Variants in CCND3 observed in about 807,000 individuals in gnomAD.
CCND3 encodes the protein G1/S-specific cyclin-D3.
CCND3 carries 9 observed loss-of-function variants against 28.7 expected under a neutral mutation model. That is an observed-to-expected ratio of 0.31 (90% CI 0.19 to 0.55). CCND3 has a LOEUF of 0.55. CCND3 is among the 20% of genes least tolerant of loss of function. CCND3 has a pLI of 0.93. For synonymous variants in CCND3, 164 were observed against 163.9 expected (o/e 1.00, Z 0.00); for missense variants, 315 against 385.8 (o/e 0.82, Z 1.54).
intron 1 of CCND3, among the ~76,000 whole-genome samples, chr6:41,950,867 C>G (rs1776292745): frequency 6.6e-6 from 1 of 151,988 alleles, no homozygotes; most frequent in South Asian, 2.1e-4. Flanking sequence ...CCCCACCACG[C>G]CCAGCTAATT....
upstream of CCND3, among the ~76,000 whole-genome samples, chr6:41,943,935 G>T (rs1422396898): frequency 1.3e-5 from 2 of 152,022 alleles, no homozygotes; most frequent in Non-Finnish European, 2.9e-5. Context: ...ACCTCTCAAA[G>T]ATATTAACCC....
intron 1 of CCND3, among the ~76,000 whole-genome samples, chr6:41,970,099 G>A (rs995785222): frequency 2.6e-5 from 4 of 152,108 alleles, no homozygotes; most frequent in Non-Finnish European, 4.4e-5. Flanking sequence ...TCAGCATTTT[G>A]GGAGACCAAG....
chr6:41,969,651 G>A lies in CCND3; in HGVS notation c.-45-29066C>T, dbSNP rs113056411. 2.6e-3 allele frequency among the ~76,000 whole-genome samples: 396 copies of A among 152,136 alleles called. 1 individual carries two copies. Among genetic ancestry groups the A allele is most frequent in the African/African-American group, 8.6e-3 (356 of 41,512 alleles). On this transcript the variant is annotated intron_variant, in intron 1 of 4. Coordinates refer to the CCND3 transcript ENST00000372988. ...CTAGGGAGACTGAGGCAGGAGAATCGCTTGAACCCGGGAGGTGGAGGTTGC... is the reference window on the plus strand; with the variant it reads ...CTAGGGAGACTGAGGCAGGAGAATCACTTGAACCCGGGAGGTGGAGGTTGC...
At chr6:41,943,132 G>T (rs2127396516), upstream of CCND3, among the ~76,000 whole-genome samples, 1 of 152,180 alleles carries the variant, frequency 6.6e-6, no homozygotes, top group East Asian at 1.9e-4. Context: ...AAAGTGCTGG[G>T]ATTACAGGCG....
chr6:42,028,151 T>C (rs928512972), intron 1 of CCND3, among the ~76,000 whole-genome samples: 1 of 152,214 alleles, frequency 6.6e-6, no homozygotes, highest in South Asian at 2.1e-4. Flanking sequence ...AGGTGCTCAC[T>C]AAATCGTGGC....
intron 1 of CCND3, among the ~76,000 whole-genome samples, chr6:41,995,500 C>A (rs1762775155): frequency 6.6e-6 from 1 of 152,122 alleles, no homozygotes; most frequent in South Asian, 2.1e-4. Flanking sequence ...TTGTGATCTG[C>A]CCGCCTTGGC....
At chr6:41,962,186 C>T (rs971439870) in intron 1 of CCND3, among the ~76,000 whole-genome samples, 5 of 152,048 alleles carry the variant, frequency 3.3e-5, no homozygotes, top group Admixed American at 2.6e-4. Context: ...CTGCAACCTC[C>T]GCCTCCCAGG....
chr6:41,997,644 C>T (rs1259748721), intron 1 of CCND3, among the ~76,000 whole-genome samples: 2 of 152,078 alleles, frequency 1.3e-5, no homozygotes, highest in Non-Finnish European at 2.9e-5. Flanking sequence ...GTGGTCTCAG[C>T]TACTCAGGAG....
chr6:41,961,860 G>A (rs1350372840), intron 1 of CCND3, among the ~76,000 whole-genome samples: 1 of 152,102 alleles, frequency 6.6e-6, no homozygotes, highest in Non-Finnish European at 1.5e-5. Flanking sequence ...AGTTCACAGT[G>A]ATCTGCTGAG....
At chr6:42,045,612 G>A (rs750262541) in intron 1 of CCND3, among the ~76,000 whole-genome samples, 28 of 152,208 alleles carry the variant, frequency 1.8e-4, no homozygotes, top group Admixed American at 1.4e-3. Context: ...CAACCTGCAC[G>A]AATCCCAGGG....
At chr6:42,049,305 G>T (rs973872460), upstream of CCND3, among the ~76,000 whole-genome samples, 2 of 152,126 alleles carry the variant, frequency 1.3e-5, no homozygotes, top group Admixed American at 1.3e-4. Context: ...TCAAAGTGCT[G>T]GGATTACAGG....
chr6:41,947,385 G>A (rs116399896), intron 1 of CCND3, among the ~76,000 whole-genome samples: 1,707 of 152,124 alleles, frequency 0.011, 28 homozygotes, highest in African/African-American at 0.036. Flanking sequence ...AAGGATGTCC[G>A]ATAGGCCAGT....
chr6:41,995,378 C>CT (rs1443025383), intron 1 of CCND3, among the ~76,000 whole-genome samples: 10 of 152,172 alleles, frequency 6.6e-5, no homozygotes, highest in African/African-American at 2.2e-4. Context: ...CTGCCTCAGC[C>CT]TCCCAAGTAG....
chr6:42,048,913 G>C lies in CCND3; in HGVS notation c.-458C>G, dbSNP rs945126595. 1 of 258,136 alleles carries C rather than the reference G, an allele frequency of 3.9e-6. No individual in the cohort carries two copies. Among genetic ancestry groups the C allele is most frequent in the Admixed American group, 6.4e-5 (1 of 15,702 alleles). The allele number at this position is 258,136 out of a possible 1,614,324, so 16.0% of individuals were successfully genotyped here. ...CATAGGTGCGGGGGCGGGGCGCCAC[G>C]GAGGCTCAGGTGTGGGCGGCGGGGC... On this transcript the variant is annotated 5_prime_UTR_variant, in exon 1 of 5. Coordinates refer to the CCND3 transcript ENST00000372988. This position sits in a 1 kb window ranked among gnomAD's most constrained non-coding sequence, Gnocchi z 4.7.
chr6:41,968,665 T>C (rs1464121212), intron 1 of CCND3, among the ~76,000 whole-genome samples: 2 of 152,232 alleles, frequency 1.3e-5, no homozygotes, highest in Non-Finnish European at 2.9e-5. Context: ...GTATGTTACC[T>C]TTCTGGATTT....
chr6:41,995,176 G>A (rs1316526898), intron 1 of CCND3, among the ~76,000 whole-genome samples: 1 of 152,086 alleles, frequency 6.6e-6, no homozygotes, highest in East Asian at 1.9e-4. Flanking sequence ...CAAAAAATTT[G>A]TAAACAACCT....
At chr6:41,952,801 A>T (rs1159075421) in intron 1 of CCND3, among the ~76,000 whole-genome samples, 1 of 86,736 alleles carries the variant, frequency 1.2e-5, no homozygotes, top group Non-Finnish European at 2.4e-5. Context: ...ATTTTAAAGT[A>T]GTGAGTGTGA....
At chr6:42,000,234 C>CATTTTTTTTTTT (rs1762951898) in intron 1 of CCND3, among the ~76,000 whole-genome samples, 1 of 51,012 alleles carries the variant, frequency 2.0e-5, no homozygotes, top group Non-Finnish European at 3.2e-5. Flanking sequence ...TGAAAACATA[C>CATTTTTTTTTTT]TTTTTTTTTT....
chr6:42,008,279 G>A lies in CCND3; in HGVS notation c.-46+40222C>T, dbSNP rs529971898. ...TGTAATCCCAGCTACTCGGGAGGCTGAGGTAAGAGAATCACTTAAACCCAG... is the reference window on the plus strand; with the variant it reads ...TGTAATCCCAGCTACTCGGGAGGCTAAGGTAAGAGAATCACTTAAACCCAG... On this transcript the variant is annotated intron_variant, in intron 1 of 4. Coordinates refer to the CCND3 transcript ENST00000372988. 9.5e-4 allele frequency among the ~76,000 whole-genome samples: 144 copies of A among 152,246 alleles called. 1 individual carries two copies. The highest frequency in any genetic ancestry group is 3.2e-3 in the African/African-American group (135 of 41,552).
Sources: allele counts gnomAD v4.1 joint callset (sites outside exome capture counted in the v4.1 genomes callset), GRCh38; gene constraint gnomAD v4.1.1; non-coding constraint Gnocchi (gnomAD v3.1); transcripts MANE v1.5; gene names NCBI Gene and HGNC (gene_info 2026-07-23, HGNC 2026-07-21).